PIGN: variants seen among roughly 807,000 people sequenced by gnomAD.
The protein encoded by PIGN is phosphatidylinositol glycan anchor biosynthesis class N, also known as GPI ethanolamine phosphate transferase 1.
Under a neutral mutation model 125.4 loss-of-function variants are expected in PIGN, and 117 were observed. The ratio of observed to expected loss-of-function variants is 0.93; its 90% CI spans 0.80 to 1.09. PIGN has a LOEUF of 1.09. Ranked by LOEUF, PIGN falls within the 50% of genes least tolerant of loss-of-function variation. The pLI, the probability that PIGN is intolerant of heterozygous loss-of-function variation, is 0.00. For missense variants in PIGN, 1,075 were observed against 1,094.9 expected, an observed-to-expected ratio of 0.98 and a Z score of 0.26; for synonymous variants, 392 against 377.8, an observed-to-expected ratio of 1.04 and a Z score of -0.44.
At position 62,106,866 on chromosome 18, in the gene PIGN, AG is replaced by A. The variant is rs762743587; in HGVS notation, c.1689del (p.Tyr564ThrfsTer27). 1 of 1,607,984 alleles carries A rather than the reference AG, an allele frequency of 6.2e-7. No individual in the cohort carries two copies. Among genetic ancestry groups the A allele is most frequent in the Admixed American group, 1.7e-5 (1 of 59,262 alleles). ...AGTCCAGCGGTAAGCATATAGCGGTAGAAAAAACTGAGAACCTAGTAATGCA... is the reference window on the plus strand; with the variant it reads ...AGTCCAGCGGTAAGCATATAGCGGTAAAAAAACTGAGAACCTAGTAATGCA... ...LGIEVLVLSF[F>X]YRYMLTAGLT... is the part of the protein sequence containing the mutation. On this transcript the variant is annotated frameshift_variant, in exon 19 of 31. Coordinates refer to ENST00000640252, the MANE Select transcript of PIGN (RefSeq NM_176787.5). LOFTEE classifies it high-confidence loss of function.
At chr18:62,158,325 A>G (rs10503066) in intron 4 of PIGN, among the ~76,000 whole-genome samples, 24,982 of 152,170 alleles carry the variant, frequency 0.16, 2,746 homozygotes, top group Middle Eastern at 0.29. Context: ...GCAATTATGA[A>G]AAAAGGTTAA....
intron 10 of PIGN, 104 bp from the exon 11 acceptor site, chr18:62,143,450 G>T: frequency 1.4e-6 from 1 of 692,724 alleles, no homozygotes; most frequent in African/African-American, 1.8e-5. Flanking sequence ...ATAGGTGTTA[G>T]AAATGTCTAT....
In PIGN at chr18:62,134,377, C is replaced by T. The variant is rs1163339870; in HGVS notation, c.1172+3866G>A. On this transcript the variant is annotated intron_variant, in intron 14 of 30. Transcript: ENST00000640252. The stretch of plus-strand genomic sequence containing the variant: ...CTGCACTCCAGCCTGAGCAACAGAA[C>T]GAGAGTCAGTCTCAAACAAAACAAA... Among the ~76,000 whole-genome samples, 10 of 152,216 alleles carry T rather than the reference C, an allele frequency of 6.6e-5. No individual in the cohort carries two copies. In the East Asian group the frequency reaches 9.6e-4, roughly 15 times the overall value.
chr18:62,101,160 C>T lies in PIGN; in HGVS notation c.1992G>A (p.Met664Ile), dbSNP rs564513512. ...TACTCTGAGTGCTATACACAACATACATGGAGAGCACTGTGCTCAGCACCT... is the reference window on the plus strand; with the variant it reads ...TACTCTGAGTGCTATACACAACATATATGGAGAGCACTGTGCTCAGCACCT... ...LLQVLSTVLSMYVVYSTQSSL... is the reference protein window; with the variant it reads ...LLQVLSTVLSIYVVYSTQSSL... The change falls in exon 22 of 31, where the codon ATG becomes ATA. Residue 664 changes from methionine (M) to isoleucine (I), a missense_variant. Met to Ile is a conservative substitution (Grantham distance 10). Coordinates refer to ENST00000640252, the MANE Select transcript of PIGN (RefSeq NM_176787.5). 1.1e-4 allele frequency: 180 copies of T among 1,603,824 alleles called. 1 individual carries two copies. The highest frequency in any genetic ancestry group is 8.3e-5 in the Admixed American group (5 of 59,956).
At chr18:62,076,958 A>G (rs931208095) in intron 28 of PIGN, among the ~76,000 whole-genome samples, 1 of 152,252 alleles carries the variant, frequency 6.6e-6, no homozygotes, top group Non-Finnish European at 1.5e-5. Context: ...TTGCAGCAAC[A>G]GAATCCACTC....
intron 30 of PIGN, among the ~76,000 whole-genome samples, chr18:62,057,601 C>T (rs940255036): frequency 6.6e-6 from 1 of 152,158 alleles, no homozygotes; most frequent in Non-Finnish European, 1.5e-5. Flanking sequence ...TACATTGTGG[C>T]CAGTGTTATG....
chr18:62,050,406 G>T (rs1009205825), intron 30 of PIGN, among the ~76,000 whole-genome samples: 4 of 152,218 alleles, frequency 2.6e-5, no homozygotes, highest in African/African-American at 9.6e-5. Flanking sequence ...TCCTTGAAGA[G>T]GTCCTTCATG....
intron 14 of PIGN, chr18:62,137,144 G>T: frequency 2.5e-6 from 1 of 398,628 alleles, no homozygotes; most frequent in South Asian, 1.3e-4. Context: ...AATGTGGAAT[G>T]AGCAGACTTG....
intron 23 of PIGN, among the ~76,000 whole-genome samples, chr18:62,093,990 A>C (rs1448439002): frequency 6.6e-6 from 1 of 152,102 alleles, no homozygotes; most frequent in Non-Finnish European, 1.5e-5. Flanking sequence ...ATTCATTAAC[A>C]AGGTTATATA....
intron 1 of PIGN, among the ~76,000 whole-genome samples, chr18:62,166,768 C>T (rs2037149723): frequency 6.6e-6 from 1 of 152,020 alleles, no homozygotes; most frequent in Non-Finnish European, 1.5e-5. Context: ...ATAGATGAAA[C>T]CAGAAGCCAT....
At chr18:62,098,736 A>G (rs1438256963) in intron 22 of PIGN, among the ~76,000 whole-genome samples, 1 of 152,122 alleles carries the variant, frequency 6.6e-6, no homozygotes, top group Non-Finnish European at 1.5e-5. Context: ...GTCTTACATC[A>G]TTTTGTAGGT....
intron 28 of PIGN, chr18:62,075,639 G>C (rs897641751): frequency 5.9e-5 from 9 of 152,156 alleles, no homozygotes; most frequent in Non-Finnish European, 1.3e-4. Context: ...GTTCCAGTTT[G>C]TGGCTCTTAC....
At chr18:62,082,603 G>C (rs2033499232) in intron 28 of PIGN, 70 bp downstream of exon 28, 1 of 791,632 alleles carries the variant, frequency 1.3e-6, no homozygotes, top group Admixed American at 2.2e-5. Context: ...CATATGAAAT[G>C]TCTTCGAAAG....
At chr18:62,167,631 CA>C (rs775800855) in intron 1 of PIGN, among the ~76,000 whole-genome samples, 13,333 of 78,930 alleles carry the variant, frequency 0.17, 778 homozygotes, top group East Asian at 0.33. Flanking sequence ...AACTCCGTCT[CA>C]AAAAAAAAAA....
At chr18:62,018,343 G>A (rs1808465819) in intron 23 of PIGN, among the ~76,000 whole-genome samples, 1 of 152,220 alleles carries the variant, frequency 6.6e-6, no homozygotes, top group South Asian at 2.1e-4. Flanking sequence ...GAGGGCTCAT[G>A]CACATTCAGT....
At chr18:62,132,864 C>T (rs1003513834) in intron 14 of PIGN, among the ~76,000 whole-genome samples, 1 of 139,684 alleles carries the variant, frequency 7.2e-6, no homozygotes, top group South Asian at 2.2e-4. Flanking sequence ...TTATTTTTTC[C>T]AAATGGTCAA....
At chr18:62,114,678 C>T in intron 14 of PIGN, 39 bp from the exon 15 acceptor site, 1 of 964,120 alleles carries the variant, frequency 1.0e-6, no homozygotes, top group Non-Finnish European at 1.5e-6. Flanking sequence ...AGGGTTTCCT[C>T]ATTCCAAGTA....
chr18:62,087,949 G>C (rs1285899678), intron 25 of PIGN, among the ~76,000 whole-genome samples: 2 of 152,154 alleles, frequency 1.3e-5, no homozygotes, highest in African/African-American at 4.8e-5. Flanking sequence ...GTACAGCATG[G>C]TGACTATAGT....
At chr18:62,122,155 TA>T (rs1170843437) in intron 14 of PIGN, among the ~76,000 whole-genome samples, 2 of 152,142 alleles carry the variant, frequency 1.3e-5, no homozygotes, top group African/African-American at 4.8e-5. Flanking sequence ...TGGTTAACAT[TA>T]ATATATTATA....
Sources: gnomAD v4.1 joint callset for allele counts (sites outside exome capture counted in the v4.1 genomes callset) on GRCh38, gnomAD v4.1.1 for gene constraint, MANE v1.5 for transcripts, NCBI Gene and HGNC (gene_info 2026-07-23, HGNC 2026-07-21) for gene names.